Variants in UNC79 observed in about 807,000 individuals in gnomAD.
UNC79 encodes the protein protein unc-79 homolog.
A neutral mutation model predicts 283.1 loss-of-function variants in UNC79; 37 were observed. That is an observed-to-expected ratio of 0.13 (90% confidence interval 0.10 to 0.17). The LOEUF is 0.17. Among genes scored for constraint, UNC79 ranks in the 10% least tolerant of loss-of-function variants. The pLI is 1.00. For missense variants in UNC79, 2,272 were observed against 3,211.1 expected (o/e 0.71, Z 7.07); for synonymous variants, 1,107 against 1,200.2 (o/e 0.92, Z 1.61).
chr14:93,351,874 C>T (rs960704687), intron 1 of UNC79, among the ~76,000 whole-genome samples: 1 of 152,176 alleles, frequency 6.6e-6, no homozygotes, highest in Non-Finnish European at 1.5e-5. Context: ...AAGCCTCCGA[C>T]TGATTGGATG....
intron 1 of UNC79, among the ~76,000 whole-genome samples, chr14:93,376,834 A>G (rs2054569565): frequency 6.7e-6 from 1 of 150,204 alleles, no homozygotes; most frequent in South Asian, 2.1e-4. Context: ...CCTCAGGTCA[A>G]TCAATGGCTT....
At chr14:93,567,970 T>C (rs2062993771) in intron 14 of UNC79, among the ~76,000 whole-genome samples, 1 of 152,188 alleles carries the variant, frequency 6.6e-6, no homozygotes, top group Non-Finnish European at 1.5e-5. Context: ...CACAGGTAGG[T>C]GAGAGACAAA....
chr14:93,682,818 A>G (rs1434938355), intron 42 of UNC79, 124 bp downstream of exon 45: 1 of 803,182 alleles, frequency 1.2e-6, no homozygotes, highest in African/African-American at 1.7e-5. Context: ...GACTTTTGGA[A>G]CGTATTTTAA....
chr14:93,530,984 T>A (rs2060797887), intron 10 of UNC79, among the ~76,000 whole-genome samples: 1 of 152,152 alleles, frequency 6.6e-6, no homozygotes, highest in African/African-American at 2.4e-5. Flanking sequence ...CTCATATGGG[T>A]AAATTTAACT....
At chr14:93,549,680 G>A (rs1167254096) in intron 14 of UNC79, among the ~76,000 whole-genome samples, 1 of 152,136 alleles carries the variant, frequency 6.6e-6, no homozygotes, top group Non-Finnish European at 1.5e-5. Context: ...TAGCCATGTG[G>A]TGGAAAAAAA....
chr14:93,337,005 C>T (rs1397506702), intron 1 of UNC79, among the ~76,000 whole-genome samples: 14 of 152,188 alleles, frequency 9.2e-5, no homozygotes, highest in Non-Finnish European at 4.4e-5. Context: ...GGGTGGGTCC[C>T]TGGTGAAACC....
chr14:93,372,620 A>G lies in UNC79; in HGVS notation c.-351+39097A>G, dbSNP rs545572470. Reference sequence around the variant, plus strand: ...TAAAAGAGTCAGTTCTTGAAATACAATCCTCAATGTGTTTAAGCACCTAAC... The same window carrying G: ...TAAAAGAGTCAGTTCTTGAAATACAGTCCTCAATGTGTTTAAGCACCTAAC... On this transcript the variant is annotated intron_variant, in intron 1 of 49. Coordinates refer to the UNC79 transcript ENST00000256339. 8.5e-4 allele frequency among the ~76,000 whole-genome samples: 129 copies of G among 152,356 alleles called. 1 individual carries two copies. The highest frequency in any genetic ancestry group is 3.1e-3 in the African/African-American group (128 of 41,584).
At chr14:93,484,848 G>A (rs1210550827) in intron 4 of UNC79, among the ~76,000 whole-genome samples, 1 of 152,196 alleles carries the variant, frequency 6.6e-6, no homozygotes, top group Non-Finnish European at 1.5e-5. Context: ...GTTTATGTAA[G>A]TATTGCAGCC....
chr14:93,671,662 C>T (rs1351805916), intron 40 of UNC79, among the ~76,000 whole-genome samples: 2 of 152,072 alleles, frequency 1.3e-5, no homozygotes, highest in Admixed American at 1.3e-4. Flanking sequence ...ATCCCAGCTA[C>T]TTGAGAGGCT....
At chr14:93,450,712 G>C (rs2056609136) in intron 1 of UNC79, among the ~76,000 whole-genome samples, 1 of 152,120 alleles carries the variant, frequency 6.6e-6, no homozygotes, top group South Asian at 2.1e-4. Context: ...GAAGTATGTA[G>C]AGTCTTTTCT....
rs559649923 is a variant in UNC79, at chr14:93,417,939, G to A, written c.-350-49732G>A. On this transcript the variant is annotated intron_variant, in intron 1 of 49. Coordinates refer to the UNC79 transcript ENST00000256339. ...TACATTCGTCTAAATTTTTTTCAAA[G>A]TTTTCGACTTCTTTGACTTTGGTTT... Among the ~76,000 whole-genome samples, 14 of 151,718 alleles carry A rather than the reference G, an allele frequency of 9.2e-5. No homozygotes were observed. The East Asian group carries it at 2.5e-3, about 27-fold the overall frequency.
chr14:93,390,182 A>G (rs762854346), intron 1 of UNC79, among the ~76,000 whole-genome samples: 6 of 152,234 alleles, frequency 3.9e-5, no homozygotes, highest in Non-Finnish European at 8.8e-5. Context: ...CAATCAATGT[A>G]ATGTACTACA....
rs558212086 is a variant in UNC79, at chr14:93,617,832, C to T, written c.4225-360C>T. 1.6e-4 allele frequency among the ~76,000 whole-genome samples: 25 copies of T among 152,144 alleles called. No homozygotes were observed. The South Asian group carries it at 2.7e-3, about 16-fold the overall frequency. ...CCGAGGTGGGTAGGTTGCCTGACTC[C>T]GGGAGTTCGAGCCCAGCCTGAGCAA... On this transcript the variant is annotated intron_variant, in intron 28 of 48. Transcript: ENST00000555664. This position sits in a 1 kb window ranked among gnomAD's most constrained non-coding sequence, Gnocchi z 4.5.
rs781169963 is a variant in UNC79, at chr14:93,575,054, C to T, written c.2071-4C>T. 6.3e-7 allele frequency: 1 copy of T among 1,594,330 alleles called. No homozygotes were observed. The highest frequency in any genetic ancestry group is 1.8e-5 in the Admixed American group (1 of 55,300). ...TTTGGGGGATATATGCCTTTTTTCC[C>T]TAGGTATTATCGGAGTTAGATATCA... On this transcript the variant is annotated splice_region_variant and splice_polypyrimidine_tract_variant and intron_variant, in intron 16 of 48. Transcript: ENST00000555664.
intron 30 of UNC79, among the ~76,000 whole-genome samples, chr14:93,629,851 G>T (rs2067879471): frequency 6.6e-6 from 1 of 152,204 alleles, no homozygotes; most frequent in Non-Finnish European, 1.5e-5. Context: ...GTACAGTGTA[G>T]TCATGGGAGC....
chr14:93,340,541 G>T (rs2053685692), intron 1 of UNC79, among the ~76,000 whole-genome samples: 1 of 150,300 alleles, frequency 6.7e-6, no homozygotes, highest in African/African-American at 2.4e-5. Context: ...TATACATCCA[G>T]TCAGGTTACA....
intron 1 of UNC79, among the ~76,000 whole-genome samples, chr14:93,335,781 A>C (rs1469643647): frequency 6.6e-6 from 1 of 152,258 alleles, no homozygotes; most frequent in East Asian, 1.9e-4. Flanking sequence ...CATCATTTGA[A>C]TACCTGGGCC....
At chr14:93,665,936 G>A (rs2072150086) in intron 40 of UNC79, among the ~76,000 whole-genome samples, 1 of 151,976 alleles carries the variant, frequency 6.6e-6, no homozygotes, top group East Asian at 1.9e-4. Context: ...CTCAGAAATT[G>A]GTACAGTGTG....
intron 35 of UNC79, among the ~76,000 whole-genome samples, chr14:93,651,921 T>A (rs2070321350): frequency 6.9e-6 from 1 of 144,672 alleles, no homozygotes; most frequent in African/African-American, 2.5e-5. Flanking sequence ...TATTTTTTTT[T>A]TTTTTTTTTT....
Sources: allele counts gnomAD v4.1 joint callset (sites outside exome capture counted in the v4.1 genomes callset), GRCh38; gene constraint gnomAD v4.1.1; non-coding constraint Gnocchi (gnomAD v3.1); transcripts MANE v1.5; gene names NCBI Gene and HGNC (gene_info 2026-07-23, HGNC 2026-07-21).